Variants in OPCML observed in about 807,000 individuals in gnomAD.
OPCML encodes the protein opioid-binding protein/cell adhesion molecule.
In OPCML, 13 loss-of-function variants were observed where a neutral mutation model predicts 37.8. The observed-to-expected ratio is 0.34, with a 90% CI of 0.22 to 0.55. OPCML has a LOEUF of 0.55. Among genes scored for constraint, OPCML ranks in the 20% least tolerant of loss-of-function variants. OPCML has a pLI of 0.91. For missense variants in OPCML, 341 were observed against 435.6 expected, an observed-to-expected ratio of 0.78 and a Z score of 1.93; for synonymous variants, 176 against 168.8, an observed-to-expected ratio of 1.04 and a Z score of -0.33.
chr11:133,499,827 T>C (rs527687321), intron 1 of OPCML, among the ~76,000 whole-genome samples: 25 of 138,804 alleles, frequency 1.8e-4, no homozygotes, highest in African/African-American at 5.8e-4. Flanking sequence ...TATACACACA[T>C]ATATATGTGT....
At chr11:132,942,747 G>A (rs12575270) in intron 2 of OPCML, among the ~76,000 whole-genome samples, 179 bp downstream of exon 2, 21,785 of 152,228 alleles carry the variant, frequency 0.14, 1,804 homozygotes, top group Admixed American at 0.21. Flanking sequence ...CCGGAGCACA[G>A]GACAAACCTG....
chr11:133,429,299 T>C lies in OPCML; in HGVS notation c.61+102965A>G, dbSNP rs117733898. Reference sequence around the variant, plus strand: ...AGATGAAGGAGACCAAATCTTCCTCTTGCTCTAGTAACTGAGGCAGGGAAA... The same window carrying C: ...AGATGAAGGAGACCAAATCTTCCTCCTGCTCTAGTAACTGAGGCAGGGAAA... On this transcript the variant is annotated intron_variant, in intron 1 of 7. Coordinates refer to ENST00000524381, the MANE Select transcript of OPCML (RefSeq NM_001012393.5). Among the ~76,000 whole-genome samples the C allele has an allele frequency of 6.5e-3, 986 of 152,322 alleles. 5 individuals carry two copies. Among genetic ancestry groups the C allele is most frequent in the Non-Finnish European group, 9.1e-3 (617 of 68,018 alleles).
At chr11:133,089,904 G>A (rs1948878076) in intron 1 of OPCML, among the ~76,000 whole-genome samples, 1 of 152,172 alleles carries the variant, frequency 6.6e-6, no homozygotes. Context: ...CTTTGGCACT[G>A]TTCTAGGTGT....
intron 1 of OPCML, among the ~76,000 whole-genome samples, chr11:133,142,807 C>A (rs758108491): frequency 9.2e-5 from 14 of 152,012 alleles, no homozygotes; most frequent in Admixed American, 5.2e-4. Context: ...AGGCCAAAGT[C>A]CAAACGCTTT....
intron 1 of OPCML, chr11:133,422,245 A>T (rs779814854): frequency 1.3e-5 from 13 of 984,618 alleles, no homozygotes; most frequent in African/African-American, 1.8e-5. Context: ...TGTACCAGGG[A>T]TCTGAGTTTT....
At chr11:133,168,989 G>C (rs901788586) in intron 1 of OPCML, among the ~76,000 whole-genome samples, 1 of 152,126 alleles carries the variant, frequency 6.6e-6, no homozygotes, top group Non-Finnish European at 1.5e-5. Flanking sequence ...AGCTAGCTGG[G>C]TGTGGTGGTG....
intron 2 of OPCML, among the ~76,000 whole-genome samples, chr11:132,920,868 T>C (rs1282390930): frequency 6.6e-6 from 1 of 151,960 alleles, no homozygotes; most frequent in East Asian, 1.9e-4. Context: ...CCACCTGGCG[T>C]CTCCTGAGCT....
chr11:132,821,037 G>A (rs1267671444), intron 2 of OPCML, among the ~76,000 whole-genome samples: 1 of 152,214 alleles, frequency 6.6e-6, no homozygotes, highest in Non-Finnish European at 1.5e-5. Flanking sequence ...GTCCTTGGGT[G>A]ATGGAACCAC....
intron 3 of OPCML, among the ~76,000 whole-genome samples, chr11:132,570,721 C>A (rs2096435119): frequency 8.2e-6 from 1 of 122,030 alleles, no homozygotes; most frequent in African/African-American, 3.1e-5. Flanking sequence ...TTTAAATATA[C>A]TGAAAGAACT....
At chr11:132,908,313 C>G in intron 2 of OPCML, among the ~76,000 whole-genome samples, 1 of 152,336 alleles carries the variant, frequency 6.6e-6, no homozygotes, top group Non-Finnish European at 1.5e-5. Context: ...TATGCACACA[C>G]GTGCACACAT....
intron 1 of OPCML, among the ~76,000 whole-genome samples, chr11:133,234,697 C>T (rs1940435602): frequency 6.6e-6 from 1 of 152,360 alleles, no homozygotes; most frequent in South Asian, 2.1e-4. Flanking sequence ...CAGCCTTCTT[C>T]TCCAAGTTAA....
chr11:132,521,314 C>G (rs941226655), intron 4 of OPCML, among the ~76,000 whole-genome samples: 7 of 152,034 alleles, frequency 4.6e-5, no homozygotes, highest in Non-Finnish European at 1.0e-4. Flanking sequence ...AAAGTTTCTC[C>G]CATTCTGTAG....
chr11:132,770,693 G>A (rs184411867), intron 2 of OPCML, among the ~76,000 whole-genome samples: 13 of 152,190 alleles, frequency 8.5e-5, no homozygotes, highest in Non-Finnish European at 1.3e-4. Flanking sequence ...TGTGCCATTC[G>A]ACTCTGTGGC....
intron 1 of OPCML, among the ~76,000 whole-genome samples, chr11:133,401,254 T>C (rs1214909171): frequency 6.6e-6 from 1 of 152,014 alleles, no homozygotes; most frequent in Non-Finnish European, 1.5e-5. Context: ...AAGATAAGAA[T>C]CAAATATCCA....
At chr11:133,371,353 G>A (rs928830563) in intron 1 of OPCML, among the ~76,000 whole-genome samples, 3 of 152,184 alleles carry the variant, frequency 2.0e-5, no homozygotes, top group Non-Finnish European at 2.9e-5. Flanking sequence ...AGGAATACCT[G>A]CACTTGCATG....
intron 1 of OPCML, among the ~76,000 whole-genome samples, chr11:133,387,745 G>C (rs1376398690): frequency 6.6e-6 from 1 of 152,202 alleles, no homozygotes; most frequent in Non-Finnish European, 1.5e-5. Context: ...TTCGACTGAA[G>C]AAGTCAGACT....
intron 1 of OPCML, among the ~76,000 whole-genome samples, chr11:132,944,152 G>C (rs1292267009): frequency 2.0e-5 from 3 of 152,104 alleles, no homozygotes; most frequent in Admixed American, 2.0e-4. Flanking sequence ...CGGAGAGAAC[G>C]CGGCGCCCCT....
intron 1 of OPCML, among the ~76,000 whole-genome samples, chr11:133,386,468 C>T (rs1945056028): frequency 6.6e-6 from 1 of 152,146 alleles, no homozygotes; most frequent in Non-Finnish European, 1.5e-5. Flanking sequence ...TCCCAGCTCC[C>T]AACAACGGCA....
intron 1 of OPCML, among the ~76,000 whole-genome samples, chr11:133,102,814 T>C (rs1213266452): frequency 6.6e-6 from 1 of 152,148 alleles, no homozygotes; most frequent in Admixed American, 6.5e-5. Context: ...CCAAATTTGA[T>C]TTTGACTATT....
Sources: allele counts gnomAD v4.1 joint callset (sites outside exome capture counted in the v4.1 genomes callset), GRCh38; gene constraint gnomAD v4.1.1; transcripts MANE v1.5; gene names NCBI Gene and HGNC (gene_info 2026-07-23, HGNC 2026-07-21).